Variants in CHST15 observed in about 807,000 individuals in gnomAD.
The protein encoded by CHST15 is B cell RAG associated protein (GALNAC4S-6ST).
In CHST15, 30 loss-of-function variants were observed where a neutral mutation model predicts 53.6. That is an observed-to-expected ratio of 0.56 (90% CI 0.42 to 0.76). CHST15 has a LOEUF of 0.76. Among genes scored for constraint, CHST15 ranks in the 30% least tolerant of loss-of-function variants. The pLI is 0.00. For synonymous variants in CHST15, 296 were observed against 289.8 expected (o/e 1.02, Z -0.22); for missense variants, 627 against 740.5 (o/e 0.85, Z 1.78).
intron 5 of CHST15, among the ~76,000 whole-genome samples, chr10:124,030,406 C>G (rs1282542300): frequency 2.0e-5 from 3 of 152,200 alleles, no homozygotes; most frequent in Non-Finnish European, 4.4e-5. Flanking sequence ...ATAAAGACAC[C>G]GCACTACAGT....
chr10:124,020,102 G>A, intron 6 of CHST15: 1 of 985,612 alleles, frequency 1.0e-6, no homozygotes, highest in East Asian at 1.1e-4. Context: ...GACCACACCT[G>A]TCCTGGCATT....
chr10:124,092,052 T>G (rs964645019), intron 1 of CHST15, among the ~76,000 whole-genome samples: 2 of 152,006 alleles, frequency 1.3e-5, no homozygotes, highest in African/African-American at 4.8e-5. Flanking sequence ...CCTGGAGGAG[T>G]CGGGAAGGTG....
At chr10:124,067,525 AGACTTCTTC>A (rs1306438203) in intron 1 of CHST15, among the ~76,000 whole-genome samples, 4 of 152,264 alleles carry the variant, frequency 2.6e-5, no homozygotes, top group Non-Finnish European at 5.9e-5. Flanking sequence ...GGGAAGTTGG[AGACTTCTTC>A]TGCATGTTGG....
In CHST15 at chr10:124,012,002, T is replaced by C. The variant is rs1415273038; in HGVS notation, c.1495+331A>G. ...CCAAACCATCAGCACATACCTTACA[T>C]GACAGTGCTGACCTTCCCCACGGCA... is the stretch of plus-strand genomic sequence containing the variant. On this transcript the variant is annotated intron_variant, in intron 7 of 7. Coordinates refer to ENST00000435907, the MANE Select transcript of CHST15 (RefSeq NM_001270764.2). Among the ~76,000 whole-genome samples, 3 of 152,176 alleles carry C rather than the reference T, an allele frequency of 2.0e-5. No individual in the cohort carries two copies. The East Asian group carries it at 5.8e-4, about 29-fold the overall frequency.
Position 124,007,810 on chromosome 10 carries a change from G to T in CHST15, c.*2339C>A, listed in dbSNP as rs543027461. 8.1e-7 allele frequency: 1 copy of T among 1,231,938 alleles called. No individual in the cohort carries two copies. The highest frequency in any genetic ancestry group is 4.1e-5 in the South Asian group (1 of 24,216). 76.3% of individuals were successfully genotyped at this position (1,231,938 alleles called of 1,614,324 possible). A position where few individuals can be genotyped will look rare whatever the true frequency, so the allele number is the denominator to read the frequency against. On this transcript the variant is annotated 3_prime_UTR_variant, in exon 8 of 8. Transcript: ENST00000435907. Reference sequence around the variant, plus strand: ...GGACTAAGGGAGTACAATTTAACACGGTCACAACTTTTGAGAACAAAAAGG... The same window carrying T: ...GGACTAAGGGAGTACAATTTAACACTGTCACAACTTTTGAGAACAAAAAGG...
In CHST15 at chr10:124,045,003, A is replaced by C. The variant is rs1564881620; in HGVS notation, c.547-84T>G. On this transcript the variant is annotated intron_variant, in intron 2 of 7. Coordinates refer to ENST00000435907, the MANE Select transcript of CHST15 (RefSeq NM_001270764.2). ...CTAACCGCAATGGGAACCTGCCCTGAGACTGACGACCGTGTTCAAATTTGA... is the reference window on the plus strand; with the variant it reads ...CTAACCGCAATGGGAACCTGCCCTGCGACTGACGACCGTGTTCAAATTTGA... 1.3e-5 allele frequency: 11 copies of C among 867,232 alleles called. No individual in the cohort carries two copies. The East Asian group carries it at 3.4e-4, about 26-fold the overall frequency. 53.7% of individuals were successfully genotyped at this position (867,232 alleles called of 1,614,324 possible).
At chr10:124,081,333 G>T (rs1949228649) in intron 1 of CHST15, among the ~76,000 whole-genome samples, 2 of 151,322 alleles carry the variant, frequency 1.3e-5, no homozygotes, top group Admixed American at 1.3e-4. Context: ...AACGAATCCA[G>T]GTCCATGCAT....
chr10:124,047,365 A>G (rs1446808047), intron 1 of CHST15, among the ~76,000 whole-genome samples: 1 of 152,256 alleles, frequency 6.6e-6, no homozygotes, highest in East Asian at 1.9e-4. Flanking sequence ...TTATTAAGCA[A>G]TTAAATCCAA....
rs1000612776 is a variant in CHST15 at position 124,008,886 on chromosome 10, A to G, written c.*1263T>C. 7.8e-7 allele frequency: 1 copy of G among 1,278,658 alleles called. No individual in the cohort carries two copies. Among genetic ancestry groups the G allele is most frequent in the Admixed American group, 2.3e-5 (1 of 43,250 alleles). 79.2% of individuals were successfully genotyped at this position (1,278,658 alleles called of 1,614,324 possible). A position where few individuals can be genotyped will look rare whatever the true frequency, so the allele number is the denominator to read the frequency against. ...CCTGTGACTTCCAAGAAACGACAAG[A>G]TCTCTAGCCCATCCATCGGTAAACC... On this transcript the variant is annotated 3_prime_UTR_variant, in exon 8 of 8. Coordinates refer to ENST00000435907, the MANE Select transcript of CHST15 (RefSeq NM_001270764.2).
chr10:124,017,923 T>C (rs1946641293), intron 6 of CHST15, among the ~76,000 whole-genome samples: 1 of 152,248 alleles, frequency 6.6e-6, no homozygotes. Flanking sequence ...CTGGTGGCTC[T>C]TGTCTACCAG....
At chr10:124,090,217 G>A (rs370761558) in intron 1 of CHST15, among the ~76,000 whole-genome samples, 1 of 152,314 alleles carries the variant, frequency 6.6e-6, no homozygotes, top group East Asian at 1.9e-4. Flanking sequence ...TCTAGAATTT[G>A]AGCCCACATT....
chr10:124,044,939 G>T lies in CHST15; in HGVS notation c.547-20C>A. ...AAACATCTGCAAGGAAACAGAGGAGGAGAGACACAGAGGAGGGGAAAATGA... is the reference window on the plus strand; with the variant it reads ...AAACATCTGCAAGGAAACAGAGGAGTAGAGACACAGAGGAGGGGAAAATGA... On this transcript the variant is annotated intron_variant, in intron 2 of 7. Transcript: ENST00000435907. 7.0e-7 allele frequency: 1 copy of T among 1,420,746 alleles called. No individual in the cohort carries two copies. 88.0% of individuals were successfully genotyped at this position (1,420,746 alleles called of 1,614,324 possible).
intron 1 of CHST15, among the ~76,000 whole-genome samples, chr10:124,078,585 G>A (rs1949148150): frequency 6.6e-6 from 1 of 152,164 alleles, no homozygotes; most frequent in Non-Finnish European, 1.5e-5. Flanking sequence ...CAGAGACGAT[G>A]CACCCATAGA....
intron 1 of CHST15, among the ~76,000 whole-genome samples, chr10:124,068,446 GT>G (rs1184654235): frequency 6.6e-6 from 1 of 152,204 alleles, no homozygotes; most frequent in Admixed American, 6.5e-5. Context: ...CCTCATCATG[GT>G]AACCATCACT....
chr10:124,057,015 G>C (rs921945806), intron 1 of CHST15, among the ~76,000 whole-genome samples: 1 of 152,232 alleles, frequency 6.6e-6, no homozygotes, highest in Non-Finnish European at 1.5e-5. Context: ...CGGCCCAGGT[G>C]GTGGCTTCCA....
intron 1 of CHST15, among the ~76,000 whole-genome samples, chr10:124,092,769 G>A (rs1949643943): frequency 6.6e-6 from 1 of 152,232 alleles, no homozygotes; most frequent in Non-Finnish European, 1.5e-5. Context: ...GGGGCGGAGC[G>A]CAAGGCTGGG....
intron 1 of CHST15, among the ~76,000 whole-genome samples, chr10:124,053,173 C>T (rs531088372): frequency 1.3e-5 from 2 of 152,326 alleles, no homozygotes; most frequent in South Asian, 4.1e-4. Context: ...TCAATTTTTT[C>T]TTCTTCCCAT....
In CHST15 at chr10:124,052,203, G is replaced by A. The variant is rs189289907; in HGVS notation, c.-512-5479C>T. On this transcript the variant is annotated intron_variant, in intron 1 of 7. Coordinates refer to ENST00000435907, the MANE Select transcript of CHST15 (RefSeq NM_001270764.2). Reference sequence around the variant, plus strand: ...ATATATGGAAATATATTTTTTCAAGGACTATTCATCAACAAGTAGGAGAAG... The same window carrying A: ...ATATATGGAAATATATTTTTTCAAGAACTATTCATCAACAAGTAGGAGAAG... Among the ~76,000 whole-genome samples, 221 of 152,184 alleles carry A rather than the reference G, an allele frequency of 1.5e-3. 1 individual carries two copies. The highest frequency in any genetic ancestry group is 2.6e-3 in the Non-Finnish European group (177 of 67,986).
Position 124,010,214 on chromosome 10 carries a change from T to G in CHST15, c.1621A>C (p.Arg541=). Residue 541 remains arginine (R), a synonymous_variant, in exon 8 of 8, where the codon AGG becomes CGG. Coordinates refer to ENST00000435907, the MANE Select transcript of CHST15 (RefSeq NM_001270764.2). The part of the protein sequence containing the change: ...ITQKILRDFY[R]PFNARLAQVL... The stretch of plus-strand genomic sequence containing the variant: ...TGCGCCAGCCTAGCGTTGAAGGGCC[T>G]GTAGAAATCCCGCAGAATCTTCTGT... 1 of 1,614,094 alleles carries G rather than the reference T, an allele frequency of 6.2e-7. No homozygotes were observed.
Sources: gnomAD v4.1 joint callset for allele counts (sites outside exome capture counted in the v4.1 genomes callset) on GRCh38, gnomAD v4.1.1 for gene constraint, MANE v1.5 for transcripts, NCBI Gene and HGNC (gene_info 2026-07-23, HGNC 2026-07-21) for gene names.